The following SVEP1 variants were observed in gnomAD, a reference collection of about 807,000 sequenced individuals.
SVEP1 encodes sushi, von Willebrand factor type A, EGF and pentraxin domain containing 1, also known as sushi, von Willebrand factor type A, EGF and pentraxin domain-containing protein 1.
A neutral mutation model predicts 367.3 loss-of-function variants in SVEP1; 164 were observed. The ratio of observed to expected loss-of-function variants is 0.45; its 90% CI spans 0.39 to 0.51. The LOEUF is 0.51. SVEP1 is among the 20% of genes least tolerant of loss of function. The pLI is 0.00. For missense variants in SVEP1, 4,117 were observed against 4,425.3 expected, an observed-to-expected ratio of 0.93 and a Z score of 1.98; for synonymous variants, 1,666 against 1,611.6, an observed-to-expected ratio of 1.03 and a Z score of -0.81.
intron 40 of SVEP1, 118 bp from the exon 41 acceptor site, chr9:110,389,705 AACATGTTAAAAACATTTTT>A: frequency 1.9e-6 from 2 of 1,043,608 alleles, no homozygotes; most frequent in Non-Finnish European, 2.7e-6. Flanking sequence ...ATGCTAAATA[AACATGTTAAAAACATTTTT>A]GAAAGTCTAA....
intron 41 of SVEP1, 143 bp from the exon 42 acceptor site, chr9:110,387,601 G>A: frequency 1.1e-6 from 1 of 930,154 alleles, no homozygotes; most frequent in South Asian, 2.0e-5. Flanking sequence ...ATTCATTGAA[G>A]GAGAAAAATA....
Position 110,390,261 on chromosome 9 carries a change from A to ATG in SVEP1, c.9823-676_9823-675dup, listed in dbSNP as rs1278670156. ...TATGTGTATATATACTTATATAAGT[A>ATG]TGTATATATATACTTATATATATAC... On this transcript the variant is annotated intron_variant, in intron 40 of 47. Transcript: ENST00000374469. Among the ~76,000 whole-genome samples, 125 of 71,516 alleles carry ATG rather than the reference A, an allele frequency of 1.7e-3. 12 individuals are homozygous for ATG. Among genetic ancestry groups the ATG allele is most frequent in the African/African-American group, 4.5e-3 (88 of 19,706 alleles). The allele number at this position is 71,516 out of a possible 152,430, so 46.9% of individuals were successfully genotyped here.
chr9:110,514,931 T>G (rs1829781055), intron 3 of SVEP1, among the ~76,000 whole-genome samples: 1 of 151,968 alleles, frequency 6.6e-6, no homozygotes, highest in African/African-American at 2.4e-5. Context: ...TGAGAAAGGA[T>G]GAGGAGAAAG....
intron 47 of SVEP1, among the ~76,000 whole-genome samples, chr9:110,367,731 G>A (rs887665977): frequency 6.6e-6 from 1 of 152,008 alleles, no homozygotes; most frequent in African/African-American, 2.4e-5. Flanking sequence ...TTTTAAACTG[G>A]GACAGTGTAC....
chr9:110,519,309 T>G (rs755408300), intron 3 of SVEP1, among the ~76,000 whole-genome samples: 12 of 152,198 alleles, frequency 7.9e-5, no homozygotes, highest in Admixed American at 2.6e-4. Flanking sequence ...ATGATTATAC[T>G]GCTTTTATAG....
chr9:110,513,136 A>C (rs758385735), intron 4 of SVEP1, 31 bp from the exon 5 acceptor site: 1 of 1,581,168 alleles, frequency 6.3e-7, no homozygotes, highest in South Asian at 1.2e-5. Context: ...ATTGAAAAGC[A>C]AAGTTAGCCT....
At chr9:110,449,907 T>C (rs1456030762) in intron 24 of SVEP1, among the ~76,000 whole-genome samples, 152 bp downstream of exon 24, 2 of 152,124 alleles carry the variant, frequency 1.3e-5, no homozygotes, top group Non-Finnish European at 2.9e-5. Context: ...GAAGCAGAAA[T>C]GGCGGTGGGA....
At chr9:110,470,765 T>G (rs1422367202) in intron 16 of SVEP1, among the ~76,000 whole-genome samples, 1 of 148,962 alleles carries the variant, frequency 6.7e-6, no homozygotes, top group South Asian at 2.1e-4. Flanking sequence ...TATATATATA[T>G]AGAAAAATAA....
intron 31 of SVEP1, 103 bp downstream of exon 31, chr9:110,432,359 T>G: frequency 7.1e-7 from 1 of 1,416,002 alleles, no homozygotes. Flanking sequence ...TGGGATGAGA[T>G]AAAGTTAACA....
At chr9:110,423,940 A>G (rs1163365876) in intron 36 of SVEP1, among the ~76,000 whole-genome samples, 3 of 152,232 alleles carry the variant, frequency 2.0e-5, no homozygotes, top group Non-Finnish European at 4.4e-5. Context: ...GGAAGAAACA[A>G]TGGGAAAACC....
intron 40 of SVEP1, among the ~76,000 whole-genome samples, chr9:110,391,615 C>T (rs1827656725): frequency 6.6e-6 from 1 of 152,020 alleles, no homozygotes; most frequent in South Asian, 2.1e-4. Context: ...AGATAATTAA[C>T]CTTTAAACTT....
Position 110,503,209 on chromosome 9 carries a change from A to G in SVEP1, c.1312T>C (p.Cys438Arg). The stretch of plus-strand genomic sequence containing the variant: ...TGTTTCGGCTGGCGGAGATGAGGAC[A>G]TGTTCTTACTATGTAAAATGAAAGC... ...GSESYCRVRTCPHLRQPKHGH... is the reference protein window; with the variant it reads ...GSESYCRVRTRPHLRQPKHGH... Residue 438 changes from cysteine to arginine, a missense_variant, in exon 6 of 48, where the codon TGT becomes CGT. By Grantham distance (180) the Cys-to-Arg change is radical. Around this residue, in one of 4 missense-constraint regions of SVEP1, gnomAD observed 2,174 missense variants for 2,494.3 expected, o/e 0.87. Coordinates refer to ENST00000374469, the MANE Select transcript of SVEP1 (RefSeq NM_153366.4). 1 of 1,608,800 alleles carries G rather than the reference A, an allele frequency of 6.2e-7. No homozygotes were observed. Among genetic ancestry groups the G allele is most frequent in the Non-Finnish European group, 8.5e-7 (1 of 1,178,464 alleles).
chr9:110,402,379 C>T (rs1272724478), intron 39 of SVEP1, among the ~76,000 whole-genome samples: 1 of 151,962 alleles, frequency 6.6e-6, no homozygotes, highest in East Asian at 1.9e-4. Flanking sequence ...TCTCCTTATC[C>T]ATGTATTTAT....
intron 9 of SVEP1, among the ~76,000 whole-genome samples, chr9:110,489,175 T>C (rs537991964): frequency 3.5e-4 from 54 of 152,230 alleles, no homozygotes; most frequent in African/African-American, 1.3e-3. Flanking sequence ...TCAATGCCAG[T>C]TGGAAGAATC....
chr9:110,415,578 T>A (rs1057016242), intron 36 of SVEP1, among the ~76,000 whole-genome samples: 1 of 152,058 alleles, frequency 6.6e-6, no homozygotes, highest in African/African-American at 2.4e-5. Flanking sequence ...GATGCCATCC[T>A]TGACTGGAAC....
At chr9:110,536,043 A>G (rs1830074490) in intron 3 of SVEP1, among the ~76,000 whole-genome samples, 1 of 152,002 alleles carries the variant, frequency 6.6e-6, no homozygotes, top group South Asian at 2.1e-4. Flanking sequence ...GTCTTAAGCC[A>G]GTTTTCAAGT....
chr9:110,460,049 T>A (rs1011849873), intron 18 of SVEP1, among the ~76,000 whole-genome samples: 1 of 152,136 alleles, frequency 6.6e-6, no homozygotes, highest in Non-Finnish European at 1.5e-5. Flanking sequence ...TATTTAATAC[T>A]ACAATAATAT....
chr9:110,532,549 A>G (rs1830033847), intron 3 of SVEP1, among the ~76,000 whole-genome samples: 1 of 152,180 alleles, frequency 6.6e-6, no homozygotes, highest in Non-Finnish European at 1.5e-5. Flanking sequence ...GGAGCATAAG[A>G]TGCTGCAATG....
chr9:110,445,409 C>G (rs1193123026), intron 26 of SVEP1, among the ~76,000 whole-genome samples: 1 of 152,186 alleles, frequency 6.6e-6, no homozygotes, highest in East Asian at 1.9e-4. Flanking sequence ...AATGATGTCA[C>G]TGAAATCCCT....
Sources: gnomAD v4.1 joint callset for allele counts (sites outside exome capture counted in the v4.1 genomes callset) on GRCh38, gnomAD v4.1.1 for gene constraint, gnomAD v4.1.1 regional missense constraint, MANE v1.5 for transcripts, NCBI Gene and HGNC (gene_info 2026-07-23, HGNC 2026-07-21) for gene names.